The following MED27 variants were observed in gnomAD, a reference collection of about 807,000 sequenced individuals.
The protein encoded by MED27 is mediator complex subunit 27.
MED27 carries 30 observed loss-of-function variants against 38.2 expected under a neutral mutation model. That is an observed-to-expected ratio of 0.79 (90% confidence interval 0.59 to 1.07). MED27 has a LOEUF of 1.07. Among genes scored for constraint, MED27 ranks in the 50% least tolerant of loss-of-function variants. The pLI is 0.00. For missense variants in MED27, 289 were observed against 397.5 expected (o/e 0.73, Z 2.32); for synonymous variants, 122 against 153.5 (o/e 0.79, Z 1.52).
chr9:131,916,722 G>A (rs1830295726), intron 4 of MED27, among the ~76,000 whole-genome samples: 2 of 152,120 alleles, frequency 1.3e-5, no homozygotes, highest in African/African-American at 2.4e-5. Flanking sequence ...GATGTTAATA[G>A]GGCACTGGCC....
chr9:132,066,109 C>T (rs1010630408), intron 2 of MED27, among the ~76,000 whole-genome samples: 3 of 152,230 alleles, frequency 2.0e-5, no homozygotes, highest in Non-Finnish European at 2.9e-5. Context: ...CATGCCAAGA[C>T]GACTCCAGTC....
intron 4 of MED27, among the ~76,000 whole-genome samples, chr9:131,935,725 G>A (rs993884289): frequency 6.6e-6 from 1 of 152,284 alleles, no homozygotes; most frequent in East Asian, 1.9e-4. Flanking sequence ...AGGGACTGGG[G>A]AGGAGCCATA....
In MED27 at chr9:132,077,458, T is replaced by A. The variant is rs764928066; in HGVS notation, c.332A>T (p.Tyr111Phe). ...TPLYSQLLQA[Y>F]KWSNKLQYHA... ...CTCCCTTACCTTGTTTGACCACTTA[T>A]ATGCTTGAAGGAGTTGACTATAGAG... is the stretch of plus-strand genomic sequence containing the variant. Residue 111 changes from tyrosine to phenylalanine, a missense_variant, in exon 2 of 8, where the codon TAT becomes TTT. Coordinates refer to ENST00000292035, the MANE Select transcript of MED27 (RefSeq NM_004269.4). The A allele has an allele frequency of 4.3e-6, 7 of 1,613,918 alleles. No homozygotes were observed. In the African/African-American group the frequency reaches 9.3e-5, roughly 22 times the overall value.
In MED27 at chr9:132,062,108, C is replaced by T. The variant is rs41463345; in HGVS notation, c.348+15334G>A. Among the ~76,000 whole-genome samples, 805 of 152,296 alleles carry T rather than the reference C, an allele frequency of 5.3e-3. 3 individuals carry two copies. Among genetic ancestry groups the T allele is most frequent in the African/African-American group, 0.017 (723 of 41,566 alleles). On this transcript the variant is annotated intron_variant, in intron 2 of 7. Coordinates refer to ENST00000292035, the MANE Select transcript of MED27 (RefSeq NM_004269.4). ...ATGCTCCTACCTCCTCTCAAAAATA[C>T]GCCCAATTAAAGCTATCATATTGTC...
rs1833459785 is a variant in MED27, at chr9:132,051,289, G to A, written c.348+26153C>T. Among the ~76,000 whole-genome samples, 1 of 152,212 alleles carries A rather than the reference G, an allele frequency of 6.6e-6. No homozygotes were observed. The highest frequency in any genetic ancestry group is 6.5e-5 in the Admixed American group (1 of 15,290). ...TAAGCTTTCCTGAGTGGGAAAGAAA[G>A]GGGTAGAATTACAGCTAGCTAGTAC... On this transcript the variant is annotated intron_variant, in intron 2 of 7. Transcript: ENST00000292035. The surrounding 1 kb of genome is among the most constrained non-coding windows in gnomAD (Gnocchi z 4.2).
At chr9:131,885,362 G>A (rs1839121006) in intron 5 of MED27, among the ~76,000 whole-genome samples, 3 of 152,182 alleles carry the variant, frequency 2.0e-5, no homozygotes, top group African/African-American at 7.2e-5. Context: ...AAGCCCCCGG[G>A]GGAAGGTTTT....
At chr9:132,008,687 C>T (rs955699648) in intron 3 of MED27, among the ~76,000 whole-genome samples, 1 of 152,228 alleles carries the variant, frequency 6.6e-6, no homozygotes, top group Admixed American at 6.5e-5. Flanking sequence ...TCCTGCATTC[C>T]TGCCACGCCT....
intron 2 of MED27, among the ~76,000 whole-genome samples, chr9:132,053,630 T>C (rs959021276): frequency 2.0e-5 from 3 of 152,200 alleles, no homozygotes; most frequent in African/African-American, 7.2e-5. Flanking sequence ...GTCACACCGC[T>C]GGGAAACAGC....
intron 6 of MED27, among the ~76,000 whole-genome samples, chr9:131,882,294 C>G (rs1248757819): frequency 6.6e-6 from 1 of 152,160 alleles, no homozygotes. Flanking sequence ...CCATGACGCC[C>G]CTCTGATCCA....
intron 2 of MED27, among the ~76,000 whole-genome samples, chr9:132,044,140 G>C (rs1833281180): frequency 6.6e-6 from 1 of 152,164 alleles, no homozygotes; most frequent in African/African-American, 2.4e-5. Context: ...GAAAGAAATA[G>C]GGAGGGGAGG....
intron 2 of MED27, among the ~76,000 whole-genome samples, chr9:132,021,740 T>C (rs1832720899): frequency 6.6e-6 from 1 of 152,184 alleles, no homozygotes; most frequent in African/African-American, 2.4e-5. Context: ...CTGGGGACTT[T>C]GGGAGATAAT....
At chr9:131,951,604 T>C (rs1263320062) in intron 3 of MED27, among the ~76,000 whole-genome samples, 1 of 152,258 alleles carries the variant, frequency 6.6e-6, no homozygotes, top group African/African-American at 2.4e-5. Context: ...TTGGCATCCT[T>C]ATCTGTGAAA....
intron 3 of MED27, among the ~76,000 whole-genome samples, chr9:131,985,178 T>C (rs541857004): frequency 4.5e-4 from 68 of 152,340 alleles, no homozygotes; most frequent in African/African-American, 1.6e-3. Context: ...TTTGGTTCTT[T>C]GCCTTTTGCT....
intron 3 of MED27, among the ~76,000 whole-genome samples, chr9:131,970,684 G>A (rs1831458249): frequency 6.6e-6 from 1 of 152,200 alleles, no homozygotes; most frequent in African/African-American, 2.4e-5. Context: ...CATGCGAAAT[G>A]AGAACTGGCA....
At chr9:131,934,672 A>T (rs1402040313) in intron 4 of MED27, among the ~76,000 whole-genome samples, 1 of 152,178 alleles carries the variant, frequency 6.6e-6, no homozygotes, top group Non-Finnish European at 1.5e-5. Context: ...AAAACCAAAA[A>T]ATAGAGCTAC....
At chr9:131,990,139 TTC>T (rs1296449829) in intron 3 of MED27, among the ~76,000 whole-genome samples, 3 of 152,068 alleles carry the variant, frequency 2.0e-5, no homozygotes, top group South Asian at 2.1e-4. Flanking sequence ...TCCCCACAGC[TTC>T]TCTGTTTGCT....
intron 3 of MED27, among the ~76,000 whole-genome samples, chr9:131,973,880 T>C (rs1436798181): frequency 8.7e-5 from 13 of 148,666 alleles, no homozygotes; most frequent in African/African-American, 2.9e-4. Flanking sequence ...GCTGATTTTT[T>C]CTATTTTTTT....
intron 2 of MED27, among the ~76,000 whole-genome samples, chr9:132,017,113 G>T (rs1000779389): frequency 6.6e-6 from 1 of 152,036 alleles, no homozygotes; most frequent in Admixed American, 6.6e-5. Context: ...ATCTATAAGG[G>T]GCCCATTAAA....
chr9:131,937,318 C>T (rs1359875288), intron 4 of MED27, among the ~76,000 whole-genome samples: 2 of 152,166 alleles, frequency 1.3e-5, no homozygotes, highest in African/African-American at 4.8e-5. Context: ...TAAGTAAGCA[C>T]CAGCTTCTGT....
Sources: gnomAD v4.1 joint callset for allele counts (sites outside exome capture counted in the v4.1 genomes callset) on GRCh38, gnomAD v4.1.1 for gene constraint, Gnocchi (gnomAD v3.1) non-coding constraint, MANE v1.5 for transcripts, NCBI Gene and HGNC (gene_info 2026-07-23, HGNC 2026-07-21) for gene names.